Variants in PPEF1 observed in about 807,000 individuals in gnomAD.
The protein encoded by PPEF1 is serine/threonine-protein phosphatase with EF-hands 1.
Under a neutral mutation model 53.3 loss-of-function variants are expected in PPEF1, and 12 were observed. The ratio of observed to expected loss-of-function variants is 0.23; its 90% CI spans 0.14 to 0.36. PPEF1 has a LOEUF of 0.36. Among genes scored for constraint, PPEF1 ranks in the 10% least tolerant of loss-of-function variants. The pLI, the probability that PPEF1 is intolerant of heterozygous loss-of-function variation, is 1.00. For missense variants in PPEF1, 334 were observed against 490.4 expected, an observed-to-expected ratio of 0.68 and a Z score of 3.01; for synonymous variants, 165 against 176.7, an observed-to-expected ratio of 0.93 and a Z score of 0.52.
rs766867043 is a variant in PPEF1 at position 18,770,112 on chromosome X, A to G, written c.558+8536A>G. On this transcript the variant is annotated intron_variant, in intron 6 of 15. Coordinates refer to ENST00000470157, the MANE Select transcript of PPEF1 (RefSeq NM_001377996.1). ...TTGCATATTAGCTGCAGAATGAGCC[A>G]GAGGGTTTCGTTTACTGGAACTGGG... is the stretch of plus-strand genomic sequence containing the variant. 1.9e-4 allele frequency among the ~76,000 whole-genome samples: 21 copies of G among 111,648 alleles called. No homozygotes were observed. The South Asian group carries it at 7.6e-3, about 40-fold the overall frequency.
At chrX:18,722,416 C>T (rs2044608698) in intron 1 of PPEF1, among the ~76,000 whole-genome samples, 1 of 112,170 alleles carries the variant, frequency 8.9e-6, no homozygotes, top group African/African-American at 3.2e-5. Context: ...GCTGCTTCCT[C>T]AGGATTCCTC....
upstream of PPEF1, among the ~76,000 whole-genome samples, chrX:18,678,616 G>A (rs930982494): frequency 1.8e-5 from 2 of 111,908 alleles, no homozygotes; most frequent in Admixed American, 9.5e-5. Context: ...CTCTGATCCA[G>A]TGATTTCCAC....
At chrX:18,743,808 C>T (rs2045260407) in intron 3 of PPEF1, among the ~76,000 whole-genome samples, 1 of 110,620 alleles carries the variant, frequency 9.0e-6, no homozygotes, top group Admixed American at 9.7e-5. Context: ...GGTGAAGTTC[C>T]TGTTCAGGTT....
intron 9 of PPEF1, 26 bp from the exon 10 acceptor site, chrX:18,789,095 G>C: frequency 8.3e-7 from 1 of 1,205,872 alleles, no homozygotes; most frequent in Non-Finnish European, 1.1e-6. Context: ...CAGAGGGTTG[G>C]ACTAAAGCAT....
intron 10 of PPEF1, among the ~76,000 whole-genome samples, chrX:18,793,287 C>G (rs2046357140): frequency 9.1e-6 from 1 of 110,277 alleles, no homozygotes; most frequent in Non-Finnish European, 1.9e-5. Flanking sequence ...GTCTAAATAT[C>G]CTTGTGATTT....
rs1005969330 is a variant in PPEF1 at position 18,729,654 on chromosome X, C to G, written c.47-527C>G. ...ATTCTCTTTCCTAGTGATAGGCAGC[C>G]AGGCCTATTTGTATCAAACTTCCTA... On this transcript the variant is annotated intron_variant, in intron 1 of 15. Transcript: ENST00000470157. Among the ~76,000 whole-genome samples, 3 of 112,098 alleles carry G rather than the reference C, an allele frequency of 2.7e-5. No individual in the cohort carries two copies. The Admixed American group carries it at 2.8e-4, about 11-fold the overall frequency.
intron 4 of PPEF1, among the ~76,000 whole-genome samples, chrX:18,752,644 T>C (rs2045468727): frequency 1.8e-5 from 2 of 111,102 alleles, no homozygotes; most frequent in Non-Finnish European, 3.8e-5. Context: ...CATAAAAGTC[T>C]TTTATCATGT....
intron 12 of PPEF1, among the ~76,000 whole-genome samples, chrX:18,812,761 CTT>C (rs1259645094): frequency 9.0e-6 from 1 of 111,086 alleles, no homozygotes; most frequent in African/African-American, 3.3e-5. Context: ...AATTGTTTTT[CTT>C]TTCTTTCCTT....
At chrX:18,792,132 T>C (rs1438839635) in intron 10 of PPEF1, among the ~76,000 whole-genome samples, 2 of 112,007 alleles carry the variant, frequency 1.8e-5, no homozygotes, top group Non-Finnish European at 3.8e-5. Flanking sequence ...TATTGGTCTA[T>C]GGTTTTCTTA....
intron 3 of PPEF1, among the ~76,000 whole-genome samples, chrX:18,745,100 A>G (rs2045293112): frequency 1.0e-5 from 1 of 96,713 alleles, no homozygotes; most frequent in Non-Finnish European, 2.0e-5. Context: ...TATATATTAT[A>G]TATTATATAA....
In PPEF1 at chrX:18,827,467, G is replaced by A. The variant is rs750601631; in HGVS notation, c.1942G>A (p.Asp648Asn). ...TAGATATGAAGACTTGATGAAACCT[G>A]ATGTCACCAACCTTGGCTAAACACA... ...VHRYEDLMKP[D>N]VTNLG Residue 648 changes from aspartate to asparagine, a missense_variant, in exon 16 of 16, where the codon GAT (aspartate) becomes AAT (asparagine). By Grantham distance (23) the Asp-to-Asn change is conservative. Coordinates refer to ENST00000470157, the MANE Select transcript of PPEF1 (RefSeq NM_001377996.1). 56 of 1,207,754 alleles carry A rather than the reference G, an allele frequency of 4.6e-5. 1 individual carries two copies. Among genetic ancestry groups the A allele is most frequent in the Non-Finnish European group, 6.0e-5 (54 of 893,725 alleles).
upstream of PPEF1, among the ~76,000 whole-genome samples, chrX:18,680,427 C>CTTT (rs1408873790): frequency 1.8e-5 from 1 of 55,819 alleles, no homozygotes; most frequent in Non-Finnish European, 2.9e-5. Context: ...TAAATTTCTT[C>CTTT]TCTTTTTTTT....
chrX:18,738,025 C>T lies in PPEF1; in HGVS notation c.235+4217C>T, dbSNP rs746196276. The stretch of plus-strand genomic sequence containing the variant: ...TTTTGAGCCTATGTGTGTCTCTGCA[C>T]GTGAGATGGGTCTCCTGAATACAGC... On this transcript the variant is annotated intron_variant, in intron 3 of 15. Transcript: ENST00000470157. 4.5e-3 allele frequency among the ~76,000 whole-genome samples: 496 copies of T among 110,326 alleles called. 3 individuals are homozygous for T. The highest frequency in any genetic ancestry group is 0.012 in the African/African-American group (373 of 30,295).
intron 6 of PPEF1, among the ~76,000 whole-genome samples, chrX:18,778,255 T>C (rs1426355185): frequency 3.6e-5 from 4 of 111,763 alleles, no homozygotes; most frequent in African/African-American, 1.3e-4. Context: ...TATAGTATAG[T>C]ACTAAATGAA....
chrX:18,807,990 C>T (rs1163208168), intron 12 of PPEF1, among the ~76,000 whole-genome samples: 1 of 72,973 alleles, frequency 1.4e-5, no homozygotes, highest in African/African-American at 5.5e-5. Flanking sequence ...TTTTTTGAGA[C>T]GGAGTCTTGC....
intron 3 of PPEF1, among the ~76,000 whole-genome samples, chrX:18,748,046 G>A (rs2045365320): frequency 8.9e-6 from 1 of 111,777 alleles, no homozygotes; most frequent in African/African-American, 3.2e-5. Context: ...TACTGCCTAC[G>A]TAATGAATCT....
rs764836184 is a variant in PPEF1 at position 18,759,376 on chromosome X, T to C, written c.511+1635T>C. Among the ~76,000 whole-genome samples the C allele has an allele frequency of 5.4e-5, 6 of 111,534 alleles. No individual in the cohort carries two copies. The Admixed American group carries it at 5.7e-4, about 11-fold the overall frequency. The stretch of plus-strand genomic sequence containing the variant: ...GACGGTGTTAGGAAAGGGGGAGAGA[T>C]TGTGATGAAAATTTGCTATTATTTT... On this transcript the variant is annotated intron_variant, in intron 5 of 15. Transcript: ENST00000470157.
At chrX:18,810,043 T>C (rs988252360) in intron 12 of PPEF1, among the ~76,000 whole-genome samples, 2 of 107,106 alleles carry the variant, frequency 1.9e-5, no homozygotes, top group Non-Finnish European at 3.8e-5. Context: ...AAATATGTTA[T>C]AGTTTTATGT....
intron 3 of PPEF1, among the ~76,000 whole-genome samples, chrX:18,689,346 G>A (rs1929232338): frequency 9.3e-6 from 1 of 107,115 alleles, no homozygotes; most frequent in African/African-American, 3.4e-5. Context: ...GCCGAGTGTG[G>A]TGGCGGGCAC....
Sources: gnomAD v4.1 joint callset for allele counts (sites outside exome capture counted in the v4.1 genomes callset) on GRCh38, gnomAD v4.1.1 for gene constraint, MANE v1.5 for transcripts, NCBI Gene and HGNC (gene_info 2026-07-23, HGNC 2026-07-21) for gene names.